ADAM12: variants seen among roughly 807,000 people sequenced by gnomAD.
ADAM12 encodes disintegrin and metalloproteinase domain-containing protein 12.
Under a neutral mutation model 106.4 loss-of-function variants are expected in ADAM12, and 70 were observed. The ratio of observed to expected loss-of-function variants is 0.66; its 90% confidence interval spans 0.54 to 0.80. The LOEUF (loss-of-function observed/expected upper bound fraction) is 0.80, where lower values mean the gene tolerates loss of function less well. Among genes scored for constraint, ADAM12 ranks in the 30% least tolerant of loss-of-function variants. The probability of loss-of-function intolerance (pLI) is 0.00; values close to 1 mark genes in which losing one functional copy is unlikely to be tolerated. For missense variants in ADAM12, 1,010 were observed against 1,171.9 expected (o/e 0.86, Z 2.02); for synonymous variants, 420 against 433.5 (o/e 0.97, Z 0.39).
chr10:126,368,079 A>ATG (rs938763670), intron 1 of ADAM12, among the ~76,000 whole-genome samples: 3 of 152,014 alleles, frequency 2.0e-5, no homozygotes, highest in South Asian at 4.1e-4. Context: ...GTGCATGTGT[A>ATG]TGTGTGTATA....
chr10:126,082,363 GTTT>G (rs5788763), intron 11 of ADAM12, among the ~76,000 whole-genome samples: 2 of 80,778 alleles, frequency 2.5e-5, no homozygotes, highest in East Asian at 3.8e-4. Context: ...TCTAATGACT[GTTT>G]TTTTTTTTTT....
intron 18 of ADAM12, among the ~76,000 whole-genome samples, chr10:126,039,740 A>T (rs968941390): frequency 3.9e-5 from 6 of 152,234 alleles, no homozygotes; most frequent in Non-Finnish European, 8.8e-5. Context: ...CATGGTAGCC[A>T]CAGAAGGTAG....
In ADAM12 at chr10:126,016,219, A is replaced by G. The variant is rs906022549; in HGVS notation, c.*1060T>C. 1 of 151,654 alleles carries G rather than the reference A, an allele frequency of 6.6e-6. No individual in the cohort carries two copies. The highest frequency in any genetic ancestry group is 2.4e-5 in the African/African-American group (1 of 40,990). 9.4% of individuals were successfully genotyped at this position (151,654 alleles called of 1,614,324 possible). A position where few individuals can be genotyped will look rare whatever the true frequency, so the allele number is the denominator to read the frequency against. The stretch of plus-strand genomic sequence containing the variant: ...CATTGGTTGTAGTTTTTGCAAGCAT[A>G]AAGAGTCTGCCTAATTGTTAATAAG... On this transcript the variant is annotated 3_prime_UTR_variant, in exon 23 of 23. Transcript: ENST00000448723.
intron 3 of ADAM12, among the ~76,000 whole-genome samples, chr10:126,171,397 G>C (rs1957118205): frequency 6.6e-6 from 1 of 152,146 alleles, no homozygotes; most frequent in African/African-American, 2.4e-5. Context: ...GGCAGGGGTG[G>C]TTAGTTGGTT....
At chr10:126,203,993 CAGA>C (rs1174378319) in intron 3 of ADAM12, among the ~76,000 whole-genome samples, 1 of 152,128 alleles carries the variant, frequency 6.6e-6, no homozygotes, top group African/African-American at 2.4e-5. Flanking sequence ...TCAATGTCCC[CAGA>C]AGTTCACCCA....
intron 1 of ADAM12, among the ~76,000 whole-genome samples, chr10:126,336,718 G>GAC (rs932008710): frequency 1.3e-5 from 2 of 152,122 alleles, no homozygotes; most frequent in Non-Finnish European, 2.9e-5. Context: ...GACACCAAGT[G>GAC]ACACACACAC....
In ADAM12 at chr10:126,113,728, ATAT is replaced by A. The variant is rs1565067868; in HGVS notation, c.604-3891_604-3889del. Among the ~76,000 whole-genome samples the A allele has an allele frequency of 3.0e-3, 110 of 36,384 alleles. 7 individuals are homozygous for A. The highest frequency in any genetic ancestry group is 0.014 in the Middle Eastern group (1 of 70). The allele number at this position is 36,384 out of a possible 152,430, so 23.9% of individuals were successfully genotyped here. ...TATATATATATATATATATATATAT[ATAT>A]AATATATTGCTCTGGCTACTGGAAG... On this transcript the variant is annotated intron_variant, in intron 6 of 22. Coordinates refer to ENST00000448723, the MANE Select transcript of ADAM12 (RefSeq NM_001288973.2).
At chr10:126,093,541 T>G (rs949800340) in intron 11 of ADAM12, among the ~76,000 whole-genome samples, 4 of 152,180 alleles carry the variant, frequency 2.6e-5, no homozygotes, top group Non-Finnish European at 5.9e-5. Context: ...AAGAAATACC[T>G]TCTACCCAGC....
In ADAM12 at chr10:126,330,516, C is replaced by T; in HGVS notation, c.89-7G>A. Reference sequence around the variant, plus strand: ...TGGTTCCATAAGCTCACCCCTGAATCAAAAGGAAAACAGCCCTATATTTCA... The same window carrying T: ...TGGTTCCATAAGCTCACCCCTGAATTAAAAGGAAAACAGCCCTATATTTCA... On this transcript the variant is annotated splice_region_variant and splice_polypyrimidine_tract_variant and intron_variant, in intron 1 of 22. Transcript: ENST00000448723. 1 of 1,611,812 alleles carries T rather than the reference C, an allele frequency of 6.2e-7. No individual in the cohort carries two copies. The highest frequency in any genetic ancestry group is 1.1e-5 in the South Asian group (1 of 90,714).
chr10:126,363,141 A>G (rs1855795935), intron 1 of ADAM12, among the ~76,000 whole-genome samples: 1 of 152,228 alleles, frequency 6.6e-6, no homozygotes, highest in South Asian at 2.1e-4. Context: ...CAAGTATTAC[A>G]TGTTCTTTAT....
At position 126,388,347 on chromosome 10, in the gene ADAM12, T is replaced by TGTGC. The variant is rs904792833; in HGVS notation, c.-206_-203dup. The TGTGC allele has an allele frequency of 1.3e-5, 10 of 767,948 alleles. No individual in the cohort carries two copies. Among genetic ancestry groups the TGTGC allele is most frequent in the Admixed American group, 9.6e-5 (2 of 20,862 alleles). The allele number at this position is 767,948 out of a possible 1,614,324, so 47.6% of individuals were successfully genotyped here. A position where few individuals can be genotyped will look rare whatever the true frequency, so the allele number is the denominator to read the frequency against. On this transcript the variant is annotated 5_prime_UTR_variant, in exon 1 of 23. Transcript: ENST00000448723. This position sits in a 1 kb window ranked among gnomAD's most constrained non-coding sequence, Gnocchi z 4.4. ...TTTTAAAAAAGTTTCCCCCCGTGTG[T>TGTGC]GTGCGTGCGTGCGCGCGCGCGCGCC...
chr10:126,158,228 G>A (rs1270190430), intron 3 of ADAM12, among the ~76,000 whole-genome samples: 4 of 152,084 alleles, frequency 2.6e-5, no homozygotes, highest in Admixed American at 2.6e-4. Flanking sequence ...TGCAGAGCAC[G>A]GGGTAATGCA....
At chr10:126,286,535 G>C (rs1048841094) in intron 2 of ADAM12, among the ~76,000 whole-genome samples, 2 of 152,138 alleles carry the variant, frequency 1.3e-5, no homozygotes, top group African/African-American at 4.8e-5. Context: ...AATGCTTCAG[G>C]CTGCAGCCTT....
intron 21 of ADAM12, among the ~76,000 whole-genome samples, chr10:126,031,269 T>C (rs573944588): frequency 2.0e-5 from 3 of 152,246 alleles, no homozygotes; most frequent in Non-Finnish European, 4.4e-5. Context: ...ATGGGTCTTC[T>C]TTTTCTCATT....
chr10:126,293,053 T>C (rs941077034), intron 2 of ADAM12, among the ~76,000 whole-genome samples: 3 of 152,204 alleles, frequency 2.0e-5, no homozygotes, highest in Non-Finnish European at 2.9e-5. Context: ...TGCAGAACCA[T>C]TGTTGCTCGA....
At chr10:126,282,709 C>T (rs1959644017) in intron 2 of ADAM12, among the ~76,000 whole-genome samples, 1 of 152,136 alleles carries the variant, frequency 6.6e-6, no homozygotes, top group Admixed American at 6.5e-5. Flanking sequence ...AGTCCTTTCT[C>T]CTACAGGTGG....
chr10:126,140,100 T>C (rs1454410774), intron 4 of ADAM12, among the ~76,000 whole-genome samples: 1 of 152,198 alleles, frequency 6.6e-6, no homozygotes. Flanking sequence ...GGTTGGCAGC[T>C]GCTGTTAGGA....
intron 3 of ADAM12, among the ~76,000 whole-genome samples, chr10:126,196,973 A>G (rs1463332323): frequency 6.6e-6 from 1 of 152,202 alleles, no homozygotes; most frequent in Non-Finnish European, 1.5e-5. Context: ...CAGGGGATCT[A>G]GGGTATAGAG....
At chr10:126,017,464 C>T in intron 22 of ADAM12, 125 bp from the exon 23 acceptor site, 1 of 839,326 alleles carries the variant, frequency 1.2e-6, no homozygotes, top group Non-Finnish European at 1.8e-6. Flanking sequence ...GATACCACTG[C>T]CCCTCATAAC....
Sources: allele counts gnomAD v4.1 joint callset (sites outside exome capture counted in the v4.1 genomes callset), GRCh38; gene constraint gnomAD v4.1.1; non-coding constraint Gnocchi (gnomAD v3.1); transcripts MANE v1.5; gene names NCBI Gene and HGNC (gene_info 2026-07-23, HGNC 2026-07-21).